PVR: variants seen among roughly 807,000 people sequenced by gnomAD.
The protein encoded by PVR is poliovirus receptor.
PVR carries 39 observed loss-of-function variants against 43.3 expected under a neutral mutation model. That is an observed-to-expected ratio of 0.90 (90% confidence interval 0.70 to 1.18). The LOEUF (loss-of-function observed/expected upper bound fraction) is 1.18, where lower values mean the gene tolerates loss of function less well. Among genes scored for constraint, PVR ranks in the 50% most tolerant of loss-of-function variants. The pLI, the probability that PVR is intolerant of heterozygous loss-of-function variation, is 0.00. For missense variants in PVR, 480 were observed against 549.7 expected (o/e 0.87, Z 1.27); for synonymous variants, 224 against 233.2 (o/e 0.96, Z 0.36).
At chr19:44,644,364 C>G (rs2123739910) in intron 1 of PVR, among the ~76,000 whole-genome samples, 189 bp downstream of exon 1, 1 of 152,256 alleles carries the variant, frequency 6.6e-6, no homozygotes, top group South Asian at 2.1e-4. Context: ...CTTGGCCACC[C>G]GGAGAGCGGT....
chr19:44,647,460 C>CCTCGCAG lies in PVR; in HGVS notation c.322_323insAGCTCGC (p.Leu108GlnfsTer13). 6.2e-7 allele frequency: 1 copy of CCTCGCAG among 1,614,096 alleles called. No homozygotes were observed. The highest frequency in any genetic ancestry group is 8.5e-7 in the Non-Finnish European group (1 of 1,180,008). ...AGACTGGGCGCGGAGCTGCGGAATG[C>CCTCGCAG]CTCGCTGAGGATGTTCGGGTTGCGC... On this transcript the variant is annotated frameshift_variant, in exon 2 of 8. Transcript: ENST00000425690. LOFTEE classifies it high-confidence loss of function.
chr19:44,654,646 G>A (rs1254889250), intron 4 of PVR, among the ~76,000 whole-genome samples: 3 of 152,228 alleles, frequency 2.0e-5, no homozygotes, highest in African/African-American at 7.2e-5. Context: ...ATCAGCGCTC[G>A]GCTCCAAAGC....
At chr19:44,652,016 G>A (rs142280519) in intron 3 of PVR, among the ~76,000 whole-genome samples, 121 of 152,198 alleles carry the variant, frequency 8.0e-4, no homozygotes, top group African/African-American at 2.9e-3. Context: ...AATTAGCCAG[G>A]CACGGTGGCG....
chr19:44,661,899 C>T lies in PVR; in HGVS notation c.*88C>T, dbSNP rs891698897. 2 of 1,262,912 alleles carry T rather than the reference C, an allele frequency of 1.6e-6. No individual in the cohort carries two copies. The highest frequency in any genetic ancestry group is 2.9e-5 in the African/African-American group (2 of 67,992). The allele number at this position is 1,262,912 out of a possible 1,614,324, so 78.2% of individuals were successfully genotyped here. On this transcript the variant is annotated 3_prime_UTR_variant, in exon 8 of 8. Coordinates refer to ENST00000425690, the MANE Select transcript of PVR (RefSeq NM_006505.5). ...GACCCGACCCCAATGGATGAAGACC[C>T]CCTCCAAAGAGACCAGCCTCCCTCC...
intron 6 of PVR, chr19:44,659,150 G>A: frequency 2.3e-6 from 1 of 437,648 alleles, no homozygotes; most frequent in South Asian, 4.9e-5. Context: ...TAATTCAGGT[G>A]ATGTGGGAGT....
chr19:44,658,602 G>A lies in PVR; in HGVS notation c.992-140G>A, dbSNP rs542007378. 4.5e-5 allele frequency: 32 copies of A among 712,116 alleles called. 2 individuals carry two copies. In the South Asian group the frequency reaches 5.4e-4, roughly 12 times the overall value. 44.1% of individuals were successfully genotyped at this position (712,116 alleles called of 1,614,324 possible). On this transcript the variant is annotated intron_variant, in intron 5 of 7. Transcript: ENST00000425690. The stretch of plus-strand genomic sequence containing the variant: ...AAAGTCCCATTCTGGGCACCAGAGG[G>A]TGGGATCCATTCCACCTGAATTAAA...
chr19:44,658,638 C>A, intron 5 of PVR, 104 bp from the exon 6 acceptor site: 3 of 983,888 alleles, frequency 3.0e-6, no homozygotes, highest in Non-Finnish European at 4.6e-6. Context: ...TAGACTGAGG[C>A]AGTGGAGTGG....
chr19:44,650,746 A>G (rs980252623), intron 3 of PVR, among the ~76,000 whole-genome samples: 8 of 151,924 alleles, frequency 5.3e-5, no homozygotes, highest in African/African-American at 1.9e-4. Flanking sequence ...TATTTTTAGT[A>G]GAGACAGGGT....
intron 6 of PVR, among the ~76,000 whole-genome samples, chr19:44,661,055 C>G (rs1272898850): frequency 5.9e-5 from 9 of 152,168 alleles, no homozygotes; most frequent in Non-Finnish European, 1.5e-5. Flanking sequence ...GTTCCAGAGC[C>G]AGGCTCGATA....
At chr19:44,659,811 C>G (rs1190613512) in intron 6 of PVR, among the ~76,000 whole-genome samples, 1 of 152,176 alleles carries the variant, frequency 6.6e-6, no homozygotes, top group Non-Finnish European at 1.5e-5. Flanking sequence ...CCCACAACCA[C>G]CCAGCAAAGT....
intron 2 of PVR, among the ~76,000 whole-genome samples, chr19:44,648,119 A>G (rs1380768669): frequency 6.6e-6 from 1 of 152,098 alleles, no homozygotes; most frequent in Non-Finnish European, 1.5e-5. Context: ...GTGCCATTCT[A>G]AGAGCTTTAC....
chr19:44,658,588 C>T (rs1051533178), intron 5 of PVR, among the ~76,000 whole-genome samples, 154 bp from the exon 6 acceptor site: 1 of 152,206 alleles, frequency 6.6e-6, no homozygotes, highest in Admixed American at 6.5e-5. Context: ...AAGTCCCATT[C>T]TGGGCACCAG....
At chr19:44,648,636 A>G (rs1973195189) in intron 2 of PVR, among the ~76,000 whole-genome samples, 1 of 151,552 alleles carries the variant, frequency 6.6e-6, no homozygotes, top group Non-Finnish European at 1.5e-5. Context: ...ATGTGCCACC[A>G]TGCCCAACTT....
At chr19:44,650,300 A>C (rs1009945136) in intron 3 of PVR, among the ~76,000 whole-genome samples, 195 bp downstream of exon 3, 3 of 152,050 alleles carry the variant, frequency 2.0e-5, no homozygotes, top group African/African-American at 4.8e-5. Flanking sequence ...CCTATTGTCT[A>C]CACCAGTTTA....
intron 4 of PVR, among the ~76,000 whole-genome samples, chr19:44,654,880 C>G (rs114844310): frequency 0.028 from 4,331 of 152,164 alleles, 213 homozygotes; most frequent in African/African-American, 0.098. Context: ...AACCACCTCA[C>G]CGTCACCTTG....
At position 44,664,492 on chromosome 19, in the gene PVR, T is replaced by A. The variant is rs1187173283; in HGVS notation, c.*2681T>A. Reference sequence around the variant, plus strand: ...CCTCCCAAAGCGCTAGGATTACAGATGTGAGCCACCGCGCCCACCCTGAAC... The same window carrying A: ...CCTCCCAAAGCGCTAGGATTACAGAAGTGAGCCACCGCGCCCACCCTGAAC... On this transcript the variant is annotated 3_prime_UTR_variant, in exon 8 of 8. Transcript: ENST00000425690. 1 of 151,492 alleles carries A rather than the reference T, an allele frequency of 6.6e-6. No homozygotes were observed. The highest frequency in any genetic ancestry group is 1.5e-5 in the Non-Finnish European group (1 of 67,916). 9.4% of individuals were successfully genotyped at this position (151,492 alleles called of 1,614,324 possible).
At position 44,662,552 on chromosome 19, in the gene PVR, T is replaced by A. The variant is rs1055733359; in HGVS notation, c.*741T>A. Reference sequence around the variant, plus strand: ...TTAAGCAGCTCACCATCCACACGGCTGACCTCATACATCAAGCCAATACCG... The same window carrying A: ...TTAAGCAGCTCACCATCCACACGGCAGACCTCATACATCAAGCCAATACCG... On this transcript the variant is annotated 3_prime_UTR_variant, in exon 8 of 8. Coordinates refer to ENST00000425690, the MANE Select transcript of PVR (RefSeq NM_006505.5). The A allele has an allele frequency of 6.6e-6, 1 of 152,476 alleles. No individual in the cohort carries two copies. The highest frequency in any genetic ancestry group is 1.5e-5 in the Non-Finnish European group (1 of 68,308). The allele number at this position is 152,476 out of a possible 1,614,324, so 9.4% of individuals were successfully genotyped here.
At chr19:44,657,018 G>A (rs1291477566) in intron 4 of PVR, among the ~76,000 whole-genome samples, 2 of 152,034 alleles carry the variant, frequency 1.3e-5, no homozygotes, top group Non-Finnish European at 2.9e-5. Flanking sequence ...GATGGGAAGG[G>A]TGATCATCAC....
intron 7 of PVR, 142 bp downstream of exon 7, chr19:44,661,465 T>A: frequency 2.1e-6 from 2 of 931,178 alleles, no homozygotes; most frequent in Non-Finnish European, 3.3e-6. Context: ...CCCTTCCTGC[T>A]GGGCGGAATC....
Sources: gnomAD v4.1 joint callset for allele counts (sites outside exome capture counted in the v4.1 genomes callset) on GRCh38, gnomAD v4.1.1 for gene constraint, MANE v1.5 for transcripts, NCBI Gene and HGNC (gene_info 2026-07-23, HGNC 2026-07-21) for gene names.